CACNG3: variants seen among roughly 807,000 people sequenced by gnomAD.
CACNG3 encodes calcium voltage-gated channel auxiliary subunit gamma 3.
A neutral mutation model predicts 28.5 loss-of-function variants in CACNG3; 3 were observed. That is an observed-to-expected ratio of 0.11 (90% CI 0.05 to 0.27). The LOEUF is 0.27. Ranked by LOEUF, CACNG3 falls within the 10% of genes least tolerant of loss-of-function variation. The probability of loss-of-function intolerance (pLI) is 1.00; values close to 1 mark genes in which losing one functional copy is unlikely to be tolerated. For missense variants in CACNG3, 236 were observed against 414.4 expected (o/e 0.57, Z 3.74); for synonymous variants, 174 against 162.2 (o/e 1.07, Z -0.55).
chr16:24,355,366 G>T (rs191646977), intron 3 of CACNG3, among the ~76,000 whole-genome samples: 18 of 40,890 alleles, frequency 4.4e-4, no homozygotes, highest in Admixed American at 1.9e-3. Flanking sequence ...TTGAGCCCAG[G>T]AGTTCGAGAC....
chr16:24,346,892 C>T (rs138667202), intron 2 of CACNG3, 75 bp downstream of exon 2: 91 of 1,127,100 alleles, frequency 8.1e-5, no homozygotes, highest in Admixed American at 2.1e-4. Context: ...GCCTCTGAGT[C>T]GGAGCTTCCT....
chr16:24,260,126 G>A (rs868608145), intron 1 of CACNG3, among the ~76,000 whole-genome samples: 1 of 152,206 alleles, frequency 6.6e-6, no homozygotes, highest in Non-Finnish European at 1.5e-5. Flanking sequence ...TCTCCTCCTT[G>A]AGTGACATGA....
At chr16:24,267,764 A>T (rs1054382092) in intron 1 of CACNG3, among the ~76,000 whole-genome samples, 7 of 151,982 alleles carry the variant, frequency 4.6e-5, no homozygotes, top group Non-Finnish European at 1.0e-4. Flanking sequence ...CCGCCTCCCG[A>T]GATCAAGTGA....
At chr16:24,274,192 AAAAAAAAAC>A (rs1237987788) in intron 1 of CACNG3, among the ~76,000 whole-genome samples, 3 of 146,864 alleles carry the variant, frequency 2.0e-5, no homozygotes, top group Non-Finnish European at 3.0e-5. Flanking sequence ...ATCTCAAAAA[AAAAAAAAAC>A]AAAAAAAAAA....
chr16:24,289,561 A>C (rs1161363828), intron 1 of CACNG3, among the ~76,000 whole-genome samples: 1 of 152,180 alleles, frequency 6.6e-6, no homozygotes, highest in Non-Finnish European at 1.5e-5. Context: ...CCATCAACAC[A>C]ATGGGTGGCC....
At chr16:24,304,629 A>C (rs1379090962) in intron 1 of CACNG3, among the ~76,000 whole-genome samples, 1 of 152,182 alleles carries the variant, frequency 6.6e-6, no homozygotes, top group Admixed American at 6.5e-5. Flanking sequence ...GCTGGAGTGC[A>C]GTAGCGCAAT....
chr16:24,276,652 T>A (rs992558264), intron 1 of CACNG3, among the ~76,000 whole-genome samples: 5 of 152,262 alleles, frequency 3.3e-5, no homozygotes, highest in Admixed American at 2.0e-4. Flanking sequence ...TGTTCCACCA[T>A]CACTGGGATG....
chr16:24,360,484 A>G (rs962170261), intron 3 of CACNG3, among the ~76,000 whole-genome samples: 3 of 152,172 alleles, frequency 2.0e-5, no homozygotes, highest in African/African-American at 7.2e-5. Flanking sequence ...GTGCTCAAAC[A>G]ACAGCTGATC....
At chr16:24,310,768 T>G (rs1039223545) in intron 1 of CACNG3, among the ~76,000 whole-genome samples, 1 of 152,154 alleles carries the variant, frequency 6.6e-6, no homozygotes, top group Non-Finnish European at 1.5e-5. Flanking sequence ...TAGGGGGTGC[T>G]GCTGGGATTT....
intron 1 of CACNG3, among the ~76,000 whole-genome samples, chr16:24,268,961 C>T (rs1035359162): frequency 3.3e-5 from 5 of 152,174 alleles, no homozygotes; most frequent in Non-Finnish European, 7.3e-5. Flanking sequence ...GAATCTGCAG[C>T]CAGGTTCTCA....
At chr16:24,324,186 G>A (rs1478654006) in intron 1 of CACNG3, among the ~76,000 whole-genome samples, 1 of 152,162 alleles carries the variant, frequency 6.6e-6, no homozygotes, top group Non-Finnish European at 1.5e-5. Flanking sequence ...TTCAATAAAG[G>A]TAAAGGTCCC....
chr16:24,341,015 A>C (rs763196719), intron 1 of CACNG3, among the ~76,000 whole-genome samples: 2 of 152,148 alleles, frequency 1.3e-5, no homozygotes, highest in African/African-American at 2.4e-5. Context: ...GCATGTTTTC[A>C]CCATCTCTCT....
chr16:24,268,752 T>C (rs1898646547), intron 1 of CACNG3, among the ~76,000 whole-genome samples: 1 of 152,202 alleles, frequency 6.6e-6, no homozygotes, highest in African/African-American at 2.4e-5. Context: ...TCTCACATCT[T>C]CTACGCTGGA....
intron 1 of CACNG3, among the ~76,000 whole-genome samples, chr16:24,271,205 C>T (rs775627991): frequency 6.1e-4 from 93 of 152,294 alleles, no homozygotes; most frequent in Non-Finnish European, 1.0e-3. Context: ...GTCCCTTGAC[C>T]TCCCTTGTTC....
At chr16:24,294,321 C>T (rs892957906) in intron 1 of CACNG3, among the ~76,000 whole-genome samples, 1 of 152,212 alleles carries the variant, frequency 6.6e-6, no homozygotes, top group Admixed American at 6.5e-5. Flanking sequence ...CAACACCATT[C>T]CTGCTGGCAG....
At chr16:24,263,794 C>T (rs1473255204) in intron 1 of CACNG3, among the ~76,000 whole-genome samples, 1 of 152,144 alleles carries the variant, frequency 6.6e-6, no homozygotes, top group Non-Finnish European at 1.5e-5. Context: ...ACATGTTGAC[C>T]ATTAGTTCTT....
chr16:24,359,948 A>G (rs1596655119), intron 3 of CACNG3, among the ~76,000 whole-genome samples: 1 of 152,358 alleles, frequency 6.6e-6, no homozygotes, highest in East Asian at 1.9e-4. Context: ...ACTGGAGCAC[A>G]GTCCTGTGTC....
chr16:24,314,595 T>C (rs1259970438), intron 1 of CACNG3, among the ~76,000 whole-genome samples: 1 of 152,202 alleles, frequency 6.6e-6, no homozygotes, highest in Non-Finnish European at 1.5e-5. Context: ...AAAGATTTAT[T>C]AACCATCAAA....
intron 1 of CACNG3, among the ~76,000 whole-genome samples, chr16:24,280,867 G>T (rs921765367): frequency 1.4e-5 from 2 of 143,958 alleles, no homozygotes; most frequent in Non-Finnish European, 3.0e-5. Flanking sequence ...TTATTCTGGA[G>T]ATTTTGGGAA....
Sources: gnomAD v4.1 joint callset for allele counts (sites outside exome capture counted in the v4.1 genomes callset) on GRCh38, gnomAD v4.1.1 for gene constraint, MANE v1.5 for transcripts, NCBI Gene and HGNC (gene_info 2026-07-23, HGNC 2026-07-21) for gene names.